MED12L: variants seen among roughly 807,000 people sequenced by gnomAD.
The protein encoded by MED12L is mediator complex subunit 12L, also known as mediator of RNA polymerase II transcription subunit 12-like protein.
MED12L carries 60 observed loss-of-function variants against 281.3 expected under a neutral mutation model. The ratio of observed to expected loss-of-function variants is 0.21; its 90% CI spans 0.17 to 0.26. The LOEUF is 0.26. Ranked by LOEUF, MED12L falls within the 10% of genes least tolerant of loss-of-function variation. The pLI, the probability that MED12L is intolerant of heterozygous loss-of-function variation, is 1.00. For missense variants in MED12L, 2,146 were observed against 2,680.9 expected (o/e 0.80, Z 4.41); for synonymous variants, 974 against 987.2 (o/e 0.99, Z 0.25).
At chr3:151,213,614 T>C in intron 16 of MED12L, 3 of 1,614,182 alleles carry the variant, frequency 1.9e-6, no homozygotes, top group Non-Finnish European at 2.5e-6. Context: ...ATGCTGAATA[T>C]GTTGCGGCTA....
At chr3:151,183,321 G>GT (rs1219954755) in intron 11 of MED12L, among the ~76,000 whole-genome samples, 1 of 152,154 alleles carries the variant, frequency 6.6e-6, no homozygotes, top group Non-Finnish European at 1.5e-5. Context: ...TGTGTTTGCT[G>GT]TTTCCTTCTT....
At chr3:151,131,832 A>G (rs770776950) in intron 5 of MED12L, among the ~76,000 whole-genome samples, 6 of 151,950 alleles carry the variant, frequency 3.9e-5, no homozygotes, top group Non-Finnish European at 7.4e-5. Flanking sequence ...CCTTATCACT[A>G]TGGCTGGTTG....
rs532046332 is a variant in MED12L at position 151,187,077 on chromosome 3, G to A, written c.1627-1277G>A. On this transcript the variant is annotated intron_variant, in intron 12 of 44. Coordinates refer to ENST00000687756, the MANE Select transcript of MED12L (RefSeq NM_001393769.1). ...TAGGAAAGTTGTATTCACCAAAAAC[G>A]AAAGATCATATTGTTGAAACTGGGG... 2.2e-3 allele frequency among the ~76,000 whole-genome samples: 333 copies of A among 152,272 alleles called. 1 individual carries two copies. Among genetic ancestry groups the A allele is most frequent in the Non-Finnish European group, 3.9e-3 (267 of 68,004 alleles).
In MED12L at chr3:151,253,246, C is replaced by T. The variant is rs1404470081; in HGVS notation, c.2250+59580C>T. 2.0e-5 allele frequency among the ~76,000 whole-genome samples: 3 copies of T among 152,228 alleles called. No individual in the cohort carries two copies. In the East Asian group the frequency reaches 5.8e-4, roughly 29 times the overall value. On this transcript the variant is annotated intron_variant, in intron 16 of 44. Coordinates refer to ENST00000687756, the MANE Select transcript of MED12L (RefSeq NM_001393769.1). ...AGCCAACAAATATGGAGAGTATATT[C>T]CTATAAATGAGTTAATTGAGAGGCA...
intron 17 of MED12L, among the ~76,000 whole-genome samples, chr3:151,353,987 A>G (rs1753580793): frequency 7.3e-6 from 1 of 136,682 alleles, no homozygotes; most frequent in Non-Finnish European, 1.5e-5. Flanking sequence ...TAAAAATACA[A>G]AAAATTAGCC....
intron 16 of MED12L, chr3:151,328,957 A>G (rs749291316): frequency 6.2e-7 from 1 of 1,613,664 alleles, no homozygotes. Flanking sequence ...GGCACCGCTC[A>G]GATCTGTTGA....
chr3:151,239,849 C>CA (rs1234553200), intron 16 of MED12L, among the ~76,000 whole-genome samples: 1 of 151,988 alleles, frequency 6.6e-6, no homozygotes, highest in Non-Finnish European at 1.5e-5. Flanking sequence ...CTATAAATAT[C>CA]AAAAAAGGAC....
In MED12L at chr3:151,294,399, G is replaced by A. The variant is rs1201118235; in HGVS notation, c.2251-55660G>A. The A allele has an allele frequency of 5.6e-6, 9 of 1,614,068 alleles. No individual in the cohort carries two copies. The East Asian group carries it at 1.8e-4, about 32-fold the overall frequency. On this transcript the variant is annotated intron_variant, in intron 16 of 44. Transcript: ENST00000687756. ...ATTTTTTGTGCAGATTCATCTAAAA[G>A]CCTGTCTAAGTGACTAAAAGTAAAA...
intron 16 of MED12L, among the ~76,000 whole-genome samples, chr3:151,258,851 CAAAAA>C (rs63714361): frequency 1.1e-5 from 1 of 89,928 alleles, no homozygotes. Flanking sequence ...GATTCTGTCT[CAAAAA>C]AAAAAAAAAA....
chr3:151,226,602 G>A (rs966702515), intron 16 of MED12L, among the ~76,000 whole-genome samples: 5 of 150,654 alleles, frequency 3.3e-5, no homozygotes, highest in Non-Finnish European at 6.0e-5. Context: ...ATCTTGAGAA[G>A]TCAGCCAGTG....
chr3:151,298,681 T>G (rs920913475), intron 16 of MED12L, among the ~76,000 whole-genome samples: 1 of 152,196 alleles, frequency 6.6e-6, no homozygotes, highest in African/African-American at 2.4e-5. Context: ...TAAGGGAACT[T>G]TGGCTGTCTT....
intron 16 of MED12L, chr3:151,329,063 T>C: frequency 7.7e-7 from 1 of 1,306,004 alleles, no homozygotes; most frequent in Non-Finnish European, 1.1e-6. Context: ...CTTCATGATT[T>C]TCAAATGCTA....
intron 38 of MED12L, among the ~76,000 whole-genome samples, chr3:151,390,682 T>C (rs1714095567): frequency 6.6e-6 from 1 of 152,266 alleles, no homozygotes; most frequent in African/African-American, 2.4e-5. Flanking sequence ...AATTCAATTT[T>C]CTTTCTATAT....
At chr3:151,246,242 C>A (rs1482068923) in intron 16 of MED12L, among the ~76,000 whole-genome samples, 9 of 152,038 alleles carry the variant, frequency 5.9e-5, no homozygotes, top group African/African-American at 7.3e-5. Flanking sequence ...GCTACCAATG[C>A]CTTTCTTCAC....
chr3:151,318,653 G>T (rs756137494), intron 16 of MED12L, among the ~76,000 whole-genome samples: 1 of 152,096 alleles, frequency 6.6e-6, no homozygotes, highest in Non-Finnish European at 1.5e-5. Flanking sequence ...CAAATTTCCA[G>T]TGATGTGTAT....
intron 16 of MED12L, among the ~76,000 whole-genome samples, chr3:151,232,977 C>T (rs1181969058): frequency 6.6e-6 from 1 of 152,108 alleles, no homozygotes; most frequent in Non-Finnish European, 1.5e-5. Flanking sequence ...TTTCTTTTCA[C>T]CTTTCAAATA....
At chr3:151,318,960 C>CCT (rs1260837643) in intron 16 of MED12L, among the ~76,000 whole-genome samples, 1 of 152,162 alleles carries the variant, frequency 6.6e-6, no homozygotes, top group African/African-American at 2.4e-5. Flanking sequence ...TTTCCCAATA[C>CCT]CTCTGTAAGC....
chr3:151,205,269 T>C (rs1194014016), intron 16 of MED12L, among the ~76,000 whole-genome samples: 2 of 152,220 alleles, frequency 1.3e-5, no homozygotes, highest in East Asian at 3.8e-4. Flanking sequence ...TTCCCTTACC[T>C]TGGTCATGGC....
intron 18 of MED12L, 100 bp downstream of exon 18, chr3:151,355,339 A>G: frequency 1.4e-6 from 1 of 699,910 alleles, no homozygotes; most frequent in Non-Finnish European, 2.4e-6. Flanking sequence ...GGTTTTAGAC[A>G]TATATTTTAT....
Sources: gnomAD v4.1 joint callset for allele counts (sites outside exome capture counted in the v4.1 genomes callset) on GRCh38, gnomAD v4.1.1 for gene constraint, MANE v1.5 for transcripts, NCBI Gene and HGNC (gene_info 2026-07-23, HGNC 2026-07-21) for gene names.